PCDH9: variants seen among roughly 807,000 people sequenced by gnomAD.
PCDH9 encodes the protein protocadherin-9.
A neutral mutation model predicts 70.6 loss-of-function variants in PCDH9; 24 were observed. That is an observed-to-expected ratio of 0.34 (90% CI 0.25 to 0.48). PCDH9 has a LOEUF of 0.48. PCDH9 is among the 20% of genes least tolerant of loss of function. The probability of loss-of-function intolerance (pLI) is 0.99; values close to 1 mark genes in which losing one functional copy is unlikely to be tolerated. For synonymous variants in PCDH9, 562 were observed against 558.5 expected (o/e 1.01, Z -0.09); for missense variants, 1,281 against 1,503.6 (o/e 0.85, Z 2.45).
At chr13:66,346,376 T>A (rs1041268184) in intron 4 of PCDH9, among the ~76,000 whole-genome samples, 3 of 152,190 alleles carry the variant, frequency 2.0e-5, no homozygotes, top group African/African-American at 7.2e-5. Context: ...TACAGACATA[T>A]CTCTACTGCA....
chr13:66,817,351 T>A (rs1021151044), intron 3 of PCDH9, among the ~76,000 whole-genome samples: 1 of 152,174 alleles, frequency 6.6e-6, no homozygotes, highest in African/African-American at 2.4e-5. Context: ...GAAATTTTAA[T>A]TTTTATAAAA....
intron 2 of PCDH9, among the ~76,000 whole-genome samples, chr13:66,943,580 C>T (rs973526404): frequency 6.6e-6 from 1 of 152,032 alleles, no homozygotes; most frequent in African/African-American, 2.4e-5. Context: ...AATTACTCTA[C>T]ATTTTGAAAA....
At position 67,227,677 on chromosome 13, in the gene PCDH9, C is replaced by T; in HGVS notation, c.764G>A (p.Gly255Asp). The T allele has an allele frequency of 6.2e-7, 1 of 1,613,824 alleles. No homozygotes were observed. The highest frequency in any genetic ancestry group is 8.5e-7 in the Non-Finnish European group (1 of 1,179,744). ...CTCTGGAATATGCACCTCCACTTGA[C>T]CCTCTTTAAACACTGGCCTGTTGTC... is the stretch of plus-strand genomic sequence containing the variant. ...VNDNRPVFKE[G>D]QVEVHIPENA... The change falls in exon 2 of 5, where the codon GGT becomes GAT. Residue 255 changes from glycine to aspartate, a missense_variant. Transcript: ENST00000377865. This position sits in a 1 kb window ranked among gnomAD's most constrained non-coding sequence, Gnocchi z 4.6.
rs188164503 is a variant in PCDH9 at position 67,014,768 on chromosome 13, G to A, written c.3037-111163C>T. On this transcript the variant is annotated intron_variant, in intron 2 of 4. Coordinates refer to ENST00000377865, the MANE Select transcript of PCDH9 (RefSeq NM_203487.3). ...CTCCTATGATCTTATTCTCCCCTCCGAACTTCCATTGCCTCCATCCACCAT... is the reference window on the plus strand; with the variant it reads ...CTCCTATGATCTTATTCTCCCCTCCAAACTTCCATTGCCTCCATCCACCAT... Among the ~76,000 whole-genome samples, 33 of 151,906 alleles carry A rather than the reference G, an allele frequency of 2.2e-4. No homozygotes were observed. The East Asian group carries it at 5.8e-3, about 27-fold the overall frequency.
chr13:66,872,548 AG>A, intron 3 of PCDH9, among the ~76,000 whole-genome samples: 1 of 151,996 alleles, frequency 6.6e-6, no homozygotes, highest in African/African-American at 2.4e-5. Context: ...AACAGCACGA[AG>A]AAATTTTATT....
chr13:67,084,737 A>AG (rs892611155), intron 2 of PCDH9, among the ~76,000 whole-genome samples: 9 of 150,630 alleles, frequency 6.0e-5, no homozygotes, highest in South Asian at 2.1e-4. Flanking sequence ...TTGGTGGCTG[A>AG]GGGGGGGGAT....
At chr13:66,712,680 C>T (rs2078811431) in intron 3 of PCDH9, among the ~76,000 whole-genome samples, 1 of 152,034 alleles carries the variant, frequency 6.6e-6, no homozygotes, top group African/African-American at 2.4e-5. Flanking sequence ...GGTGATTGTC[C>T]AATTTTTATT....
chr13:67,136,075 A>G (rs1289731141), intron 2 of PCDH9, among the ~76,000 whole-genome samples: 1 of 152,158 alleles, frequency 6.6e-6, no homozygotes, highest in Non-Finnish European at 1.5e-5. Flanking sequence ...CATATCTGAC[A>G]GTGGTTGCTA....
intron 3 of PCDH9, among the ~76,000 whole-genome samples, chr13:66,871,832 C>A (rs890573076): frequency 3.3e-5 from 5 of 151,966 alleles, no homozygotes; most frequent in Admixed American, 1.3e-4. Flanking sequence ...CATTACCACC[C>A]CCCCCTCAAC....
At chr13:66,386,034 A>C (rs1956923438) in intron 4 of PCDH9, among the ~76,000 whole-genome samples, 1 of 151,502 alleles carries the variant, frequency 6.6e-6, no homozygotes, top group African/African-American at 2.4e-5. Flanking sequence ...TCTTTTAGCT[A>C]GAGTAAAAAA....
At chr13:66,858,137 C>T (rs2081424830) in intron 3 of PCDH9, among the ~76,000 whole-genome samples, 1 of 152,110 alleles carries the variant, frequency 6.6e-6, no homozygotes, top group Non-Finnish European at 1.5e-5. Flanking sequence ...AAAGCTTAAA[C>T]ATTGTAAATT....
chr13:66,760,099 T>C (rs1340043301), intron 3 of PCDH9, among the ~76,000 whole-genome samples: 2 of 152,200 alleles, frequency 1.3e-5, no homozygotes, highest in Non-Finnish European at 1.5e-5. Flanking sequence ...TTCAGAAAGA[T>C]AGCTTTGCAG....
At chr13:67,029,099 T>A (rs1052928111) in intron 2 of PCDH9, among the ~76,000 whole-genome samples, 6 of 152,130 alleles carry the variant, frequency 3.9e-5, no homozygotes, top group Non-Finnish European at 8.8e-5. Flanking sequence ...ATATGATCTG[T>A]TTTCAAGGAA....
At chr13:66,957,315 C>T (rs1368453414) in intron 2 of PCDH9, among the ~76,000 whole-genome samples, 1 of 152,058 alleles carries the variant, frequency 6.6e-6, no homozygotes, top group East Asian at 1.9e-4. Context: ...TACTTTTGTC[C>T]AGCTTACAAA....
rs890397579 is a variant in PCDH9 at position 66,878,082 on chromosome 13, A to G, written c.3138+25422T>C. Among the ~76,000 whole-genome samples the G allele has an allele frequency of 1.3e-4, 20 of 152,220 alleles. 1 individual carries two copies. Among genetic ancestry groups the G allele is most frequent in the Non-Finnish European group, 2.6e-4 (18 of 68,044 alleles). On this transcript the variant is annotated intron_variant, in intron 3 of 4. Transcript: ENST00000377865. ...GTCTTCACAGATAGTGAAAGATACA[A>G]AAATAATGACTGAGTTCTAAGGGAG...
At chr13:66,469,309 T>A (rs964094715) in intron 4 of PCDH9, among the ~76,000 whole-genome samples, 14 of 152,072 alleles carry the variant, frequency 9.2e-5, no homozygotes, top group African/African-American at 3.1e-4. Context: ...CATTATGCCA[T>A]CTTGTCAGAT....
intron 3 of PCDH9, among the ~76,000 whole-genome samples, chr13:66,779,845 C>CTATATATA (rs1395028159): frequency 0.018 from 776 of 42,368 alleles, 2 homozygotes; most frequent in South Asian, 0.026. Flanking sequence ...CTCTCTCTCT[C>CTATATATA]TCTCTATATA....
At chr13:66,737,482 G>A (rs560186962) in intron 3 of PCDH9, among the ~76,000 whole-genome samples, 6 of 152,270 alleles carry the variant, frequency 3.9e-5, no homozygotes, top group South Asian at 2.1e-4. Context: ...ATTTGGAAGA[G>A]GGGGGAGGAG....
chr13:66,304,798 G>A lies in PCDH9; in HGVS notation c.3571C>T (p.Gln1191Ter), dbSNP rs756720555. 3 of 1,613,482 alleles carry A rather than the reference G, an allele frequency of 1.9e-6. No individual in the cohort carries two copies. Among genetic ancestry groups the A allele is most frequent in the East Asian group, 2.2e-5 (1 of 44,850 alleles). Residue 1191 changes from glutamine to a stop codon, truncating the protein, a stop_gained, in exon 5 of 5, where the codon CAG becomes TAG. Transcript: ENST00000377865. LOFTEE classifies it high-confidence loss of function. ...RAWKEDSNRNQFNDRKQYGSN... is the reference protein window; with the variant it reads ...RAWKEDSNRN Reference sequence around the variant, plus strand: ...CCATACTGCTTACGGTCATTGAACTGGTTCCTGTTGCTGTCTTCTTTCCAG... The same window carrying A: ...CCATACTGCTTACGGTCATTGAACTAGTTCCTGTTGCTGTCTTCTTTCCAG...
Sources: gnomAD v4.1 joint callset for allele counts (sites outside exome capture counted in the v4.1 genomes callset) on GRCh38, gnomAD v4.1.1 for gene constraint, Gnocchi (gnomAD v3.1) non-coding constraint, MANE v1.5 for transcripts, NCBI Gene and HGNC (gene_info 2026-07-23, HGNC 2026-07-21) for gene names.